EXOC6B: variants seen among roughly 807,000 people sequenced by gnomAD.
The protein encoded by EXOC6B is exocyst complex component 6B.
Under a neutral mutation model 113.5 loss-of-function variants are expected in EXOC6B, and 54 were observed. That is an observed-to-expected ratio of 0.48 (90% confidence interval 0.38 to 0.60). The LOEUF (loss-of-function observed/expected upper bound fraction) is 0.60, where lower values mean the gene tolerates loss of function less well. Ranked by LOEUF, EXOC6B falls within the 20% of genes least tolerant of loss-of-function variation. The pLI is 0.00. For missense variants in EXOC6B, 797 were observed against 977.5 expected (o/e 0.82, Z 2.46); for synonymous variants, 357 against 339.0 (o/e 1.05, Z -0.58).
intron 18 of EXOC6B, among the ~76,000 whole-genome samples, chr2:72,402,856 T>C (rs1693430840): frequency 1.3e-5 from 2 of 152,216 alleles, no homozygotes; most frequent in South Asian, 4.1e-4. Flanking sequence ...TTGCAAAGAC[T>C]ATATTCCATC....
chr2:72,655,497 G>C (rs1433194210), intron 6 of EXOC6B, among the ~76,000 whole-genome samples: 1 of 151,562 alleles, frequency 6.6e-6, no homozygotes, highest in Non-Finnish European at 1.5e-5. Flanking sequence ...TGTAAAAGAA[G>C]GGGAAAAAAA....
At chr2:72,278,604 G>A (rs1427311563) in intron 20 of EXOC6B, among the ~76,000 whole-genome samples, 1 of 152,100 alleles carries the variant, frequency 6.6e-6, no homozygotes, top group Admixed American at 6.6e-5. Context: ...TCAAAACACT[G>A]GGACTCAAAT....
At chr2:72,807,547 T>A (rs570561979) in intron 1 of EXOC6B, among the ~76,000 whole-genome samples, 17 of 152,270 alleles carry the variant, frequency 1.1e-4, no homozygotes, top group South Asian at 4.1e-4. Flanking sequence ...CAAACTCCCA[T>A]GTTTATTGTA....
At chr2:72,677,337 C>A (rs1185569906) in intron 6 of EXOC6B, among the ~76,000 whole-genome samples, 1 of 151,838 alleles carries the variant, frequency 6.6e-6, no homozygotes, top group Non-Finnish European at 1.5e-5. Flanking sequence ...TCAAGACCAG[C>A]CTGGGCAACA....
chr2:72,581,082 A>G (rs1051163144), intron 6 of EXOC6B, among the ~76,000 whole-genome samples: 1 of 152,232 alleles, frequency 6.6e-6, no homozygotes, highest in East Asian at 1.9e-4. Context: ...CATCAACAAT[A>G]CAGTAAAGTG....
chr2:72,714,944 C>CA (rs532518000), intron 6 of EXOC6B, among the ~76,000 whole-genome samples: 55 of 152,140 alleles, frequency 3.6e-4, no homozygotes, highest in Non-Finnish European at 3.4e-4. Context: ...ATGATAATGT[C>CA]AAAAAAACAC....
intron 7 of EXOC6B, among the ~76,000 whole-genome samples, chr2:72,566,765 A>C (rs895282926): frequency 1.3e-5 from 2 of 152,206 alleles, no homozygotes; most frequent in Non-Finnish European, 2.9e-5. Flanking sequence ...AAAACATTGG[A>C]AATCATTTAG....
chr2:72,485,445 A>C (rs2105510769), intron 16 of EXOC6B, among the ~76,000 whole-genome samples: 1 of 152,310 alleles, frequency 6.6e-6, no homozygotes, highest in Non-Finnish European at 1.5e-5. Context: ...TTGCAAAACA[A>C]AAAATGAAAT....
chr2:72,540,984 C>T (rs535015831), intron 8 of EXOC6B, among the ~76,000 whole-genome samples: 31 of 152,222 alleles, frequency 2.0e-4, no homozygotes, highest in African/African-American at 5.3e-4. Flanking sequence ...TCTTTTGTGA[C>T]TGGCATTTGA....
chr2:72,354,503 C>A (rs1401232135), intron 19 of EXOC6B, among the ~76,000 whole-genome samples: 5 of 152,198 alleles, frequency 3.3e-5, no homozygotes, highest in Non-Finnish European at 2.9e-5. Flanking sequence ...TAAGGAGGAA[C>A]AGGTTGCTTG....
At chr2:72,280,345 C>T (rs1485191504) in intron 20 of EXOC6B, among the ~76,000 whole-genome samples, 1 of 152,024 alleles carries the variant, frequency 6.6e-6, no homozygotes, top group East Asian at 1.9e-4. Flanking sequence ...CACCTGTGCT[C>T]ATAACCCTTT....
intron 18 of EXOC6B, among the ~76,000 whole-genome samples, chr2:72,380,116 A>G (rs1186291671): frequency 6.6e-6 from 1 of 152,212 alleles, no homozygotes; most frequent in Non-Finnish European, 1.5e-5. Flanking sequence ...AAGCCCAGTT[A>G]TTTAGTCAAG....
At chr2:72,693,490 T>C (rs1278004977) in intron 6 of EXOC6B, among the ~76,000 whole-genome samples, 1 of 152,318 alleles carries the variant, frequency 6.6e-6, no homozygotes, top group South Asian at 2.1e-4. Flanking sequence ...GTTTAAATTA[T>C]GCCTCTCCAC....
intron 19 of EXOC6B, among the ~76,000 whole-genome samples, chr2:72,352,630 A>C (rs906088419): frequency 1.3e-5 from 2 of 152,060 alleles, no homozygotes; most frequent in African/African-American, 4.8e-5. Context: ...CCAAATCAGA[A>C]TCTGTTAAAT....
chr2:72,792,920 A>AT (rs911527268), intron 1 of EXOC6B, among the ~76,000 whole-genome samples: 4 of 152,118 alleles, frequency 2.6e-5, no homozygotes, highest in African/African-American at 9.7e-5. Context: ...ATTCTTAACT[A>AT]TTTTACAAAG....
chr2:72,590,329 A>T (rs1355459720), intron 6 of EXOC6B, among the ~76,000 whole-genome samples: 1 of 152,072 alleles, frequency 6.6e-6, no homozygotes, highest in Non-Finnish European at 1.5e-5. Context: ...AAACATAAGT[A>T]GAAAAGTTAT....
rs375251270 is a variant in EXOC6B, at chr2:72,379,878, A to G, written c.1981-8T>C. 490 of 1,598,970 alleles carry G rather than the reference A, an allele frequency of 3.1e-4. No individual in the cohort carries two copies. The highest frequency in any genetic ancestry group is 2.3e-4 in the Non-Finnish European group (275 of 1,172,184). On this transcript the variant is annotated splice_polypyrimidine_tract_variant and splice_region_variant and intron_variant, in intron 18 of 21. Coordinates refer to ENST00000272427, the MANE Select transcript of EXOC6B (RefSeq NM_015189.3). ...TGTCTGGGCCACCTTTCCCTGAAACACAAGAGTGTAAATCATAAAGTTAAT... is the reference window on the plus strand; with the variant it reads ...TGTCTGGGCCACCTTTCCCTGAAACGCAAGAGTGTAAATCATAAAGTTAAT...
intron 11 of EXOC6B, among the ~76,000 whole-genome samples, chr2:72,508,779 GTAAA>G (rs1573287767): frequency 6.6e-6 from 1 of 151,380 alleles, no homozygotes; most frequent in South Asian, 2.1e-4. Context: ...TCTCAAAAAA[GTAAA>G]TAAATAAATA....
At chr2:72,498,153 A>G (rs1700134236) in intron 13 of EXOC6B, among the ~76,000 whole-genome samples, 1 of 152,220 alleles carries the variant, frequency 6.6e-6, no homozygotes, top group African/African-American at 2.4e-5. Flanking sequence ...TGACACCAAG[A>G]TGATCTGAAT....
Sources: allele counts gnomAD v4.1 joint callset (sites outside exome capture counted in the v4.1 genomes callset), GRCh38; gene constraint gnomAD v4.1.1; transcripts MANE v1.5; gene names NCBI Gene and HGNC (gene_info 2026-07-23, HGNC 2026-07-21).